Variants in SSX2IP observed in about 807,000 individuals in gnomAD.
The protein encoded by SSX2IP is afadin- and alpha-actinin-binding protein.
SSX2IP carries 55 observed loss-of-function variants against 84.9 expected under a neutral mutation model. The ratio of observed to expected loss-of-function variants is 0.65; its 90% CI spans 0.52 to 0.81. The LOEUF (loss-of-function observed/expected upper bound fraction) is 0.81. SSX2IP is among the 30% of genes least tolerant of loss of function. The pLI is 0.00. For synonymous variants in SSX2IP, 239 were observed against 234.7 expected (o/e 1.02, Z -0.17); for missense variants, 664 against 705.2 (o/e 0.94, Z 0.66).
At chr1:84,679,420 T>C (rs1177642146) in intron 1 of SSX2IP, among the ~76,000 whole-genome samples, 2 of 152,156 alleles carry the variant, frequency 1.3e-5, no homozygotes, top group Non-Finnish European at 2.9e-5. Flanking sequence ...TCCACAGAAA[T>C]AAACTCTTCC....
chr1:84,662,594 G>A (rs376653947), intron 6 of SSX2IP, 64 bp from the exon 7 acceptor site: 2 of 1,551,810 alleles, frequency 1.3e-6, no homozygotes, highest in Non-Finnish European at 1.8e-6. Context: ...AAACTCTAAT[G>A]CATTCTATAC....
At chr1:84,659,696 GC>G (rs1651644864) in intron 8 of SSX2IP, among the ~76,000 whole-genome samples, 1 of 151,574 alleles carries the variant, frequency 6.6e-6, no homozygotes, top group East Asian at 1.9e-4. Context: ...TACTCAGGAG[GC>G]TGAGGCAGGA....
rs549378817 is a variant in SSX2IP at position 84,643,723 on chromosome 1, G to A, written c.*3710C>T. On this transcript the variant is annotated 3_prime_UTR_variant, in exon 14 of 14. Coordinates refer to ENST00000342203, the MANE Select transcript of SSX2IP (RefSeq NM_001166293.2). ...TAAAAAAATGTGTTGTTTCATCAGT[G>A]TATTTCTCATCAACAAATATTATGT... is the stretch of plus-strand genomic sequence containing the variant. 3.3e-5 allele frequency: 5 copies of A among 152,242 alleles called. No individual in the cohort carries two copies. Among genetic ancestry groups the A allele is most frequent in the African/African-American group, 9.6e-5 (4 of 41,522 alleles). 9.4% of individuals were successfully genotyped at this position (152,242 alleles called of 1,614,324 possible).
intron 1 of SSX2IP, among the ~76,000 whole-genome samples, chr1:84,685,276 TCTTC>T (rs1399955290): frequency 1.3e-5 from 2 of 152,234 alleles, no homozygotes; most frequent in African/African-American, 4.8e-5. Flanking sequence ...CCAATGACCC[TCTTC>T]CTTTAAAAGT....
At chr1:84,674,857 T>C (rs1452548489) in intron 1 of SSX2IP, among the ~76,000 whole-genome samples, 3 of 152,228 alleles carry the variant, frequency 2.0e-5, no homozygotes, top group South Asian at 4.1e-4. Context: ...ACCAATTACA[T>C]GCTAGGAGAC....
In SSX2IP at chr1:84,646,033, T is replaced by C. The variant is rs144279324; in HGVS notation, c.*1400A>G. The stretch of plus-strand genomic sequence containing the variant: ...TGAATGGACAACACAAATAGGTGGG[T>C]TTTTTTTGTTTTTTAATAATATGAA... On this transcript the variant is annotated 3_prime_UTR_variant, in exon 14 of 14. Coordinates refer to ENST00000342203, the MANE Select transcript of SSX2IP (RefSeq NM_001166293.2). 6.6e-6 allele frequency: 1 copy of C among 151,622 alleles called. No individual in the cohort carries two copies. Among genetic ancestry groups the C allele is most frequent in the Non-Finnish European group, 1.5e-5 (1 of 67,886 alleles). 9.4% of individuals were successfully genotyped at this position (151,622 alleles called of 1,614,324 possible).
In SSX2IP at chr1:84,659,393, G is replaced by T. The variant is rs117240792; in HGVS notation, c.928-925C>A. 4.7e-3 allele frequency among the ~76,000 whole-genome samples: 720 copies of T among 152,264 alleles called. 25 individuals are homozygous for T. In the East Asian group the frequency reaches 0.077, roughly 16 times the overall value. On this transcript the variant is annotated intron_variant, in intron 8 of 13. Transcript: ENST00000342203. ...AATGGCCCAGGATCCGGCTCATGGTGATTCTAGCCCCTGCCAATACTCAAA... is the reference window on the plus strand; with the variant it reads ...AATGGCCCAGGATCCGGCTCATGGTTATTCTAGCCCCTGCCAATACTCAAA...
intron 1 of SSX2IP, among the ~76,000 whole-genome samples, chr1:84,688,061 AG>A (rs143784130): frequency 0.026 from 3,890 of 152,256 alleles, 166 homozygotes; most frequent in African/African-American, 0.089. Flanking sequence ...TTTTATCCTC[AG>A]GTCAGGCAAG....
chr1:84,647,730 A>T, intron 13 of SSX2IP, 123 bp from the exon 14 acceptor site: 5 of 655,580 alleles, frequency 7.6e-6, no homozygotes, highest in Non-Finnish European at 1.1e-5. Flanking sequence ...TAGGCCAAAA[A>T]TATAATTTAA....
chr1:84,688,239 T>C (rs1447383276), intron 1 of SSX2IP, among the ~76,000 whole-genome samples: 1 of 152,188 alleles, frequency 6.6e-6, no homozygotes, highest in African/African-American at 2.4e-5. Flanking sequence ...TTCTATCTCA[T>C]CCCATAAACT....
chr1:84,681,005 A>G (rs1253565753), intron 1 of SSX2IP, among the ~76,000 whole-genome samples: 1 of 150,580 alleles, frequency 6.6e-6, no homozygotes, highest in East Asian at 2.0e-4. Context: ...TAAAAAATGC[A>G]TAAAATAAAA....
At chr1:84,668,977 T>G (rs776381717) in intron 4 of SSX2IP, among the ~76,000 whole-genome samples, 1 of 152,104 alleles carries the variant, frequency 6.6e-6, no homozygotes, top group Non-Finnish European at 1.5e-5. Context: ...TATTATACCC[T>G]TAATAATATA....
Position 84,656,387 on chromosome 1 carries a change from CT to C in SSX2IP, c.1175del (p.Gln392ArgfsTer5). The stretch of plus-strand genomic sequence containing the variant: ...GCTGAGTTTTAATCATTTCTTTACA[CT>C]GCTGAATTTCTAACTCGAGTTTTTC... ...ETEKLELEIQQCKEMIKTQQQ... is the reference protein window; with the variant it reads ...ETEKLELEIQXCKEMIKTQQQ... On this transcript the variant is annotated frameshift_variant, in exon 10 of 14. Coordinates refer to ENST00000342203, the MANE Select transcript of SSX2IP (RefSeq NM_001166293.2). LOFTEE classifies it high-confidence loss of function. 1 of 1,613,094 alleles carries C rather than the reference CT, an allele frequency of 6.2e-7. No homozygotes were observed. The highest frequency in any genetic ancestry group is 8.5e-7 in the Non-Finnish European group (1 of 1,179,664).
rs1254154462 is a variant in SSX2IP, at chr1:84,689,328, C to T, written c.-90+1043G>A. Among the ~76,000 whole-genome samples, 7 of 152,300 alleles carry T rather than the reference C, an allele frequency of 4.6e-5. No individual in the cohort carries two copies. The East Asian group carries it at 1.3e-3, about 29-fold the overall frequency. On this transcript the variant is annotated intron_variant, in intron 1 of 13. Coordinates refer to ENST00000342203, the MANE Select transcript of SSX2IP (RefSeq NM_001166293.2). Reference sequence around the variant, plus strand: ...GGATCACCAGAATTTTCTTCTACCCCACAGTAAGCCAAACCCCCATGAACC... The same window carrying T: ...GGATCACCAGAATTTTCTTCTACCCTACAGTAAGCCAAACCCCCATGAACC...
At chr1:84,663,946 C>CA (rs1391002299) in intron 6 of SSX2IP, among the ~76,000 whole-genome samples, 1 of 152,148 alleles carries the variant, frequency 6.6e-6, no homozygotes, top group Non-Finnish European at 1.5e-5. Flanking sequence ...CTTAGACACA[C>CA]ACACGCCTAA....
rs144370836 is a variant in SSX2IP at position 84,649,951 on chromosome 1, TCAA to T, written c.1670+408_1670+410del. Reference sequence around the variant, plus strand: ...CAGGCTTTTCTCAGTTCTTTGCCCTTCAACAACAATAAAATGGGCATGCCGGAA... The same window carrying T: ...CAGGCTTTTCTCAGTTCTTTGCCCTTCAACAATAAAATGGGCATGCCGGAA... On this transcript the variant is annotated intron_variant, in intron 13 of 13. Transcript: ENST00000342203. 3.6e-3 allele frequency: 2,010 copies of T among 557,230 alleles called. 27 individuals are homozygous for T. Among genetic ancestry groups the T allele is most frequent in the African/African-American group, 0.034 (1,812 of 53,846 alleles). The allele number at this position is 557,230 out of a possible 1,614,324, so 34.5% of individuals were successfully genotyped here. A position where few individuals can be genotyped will look rare whatever the true frequency, so the allele number is the denominator to read the frequency against.
chr1:84,671,229 T>C lies in SSX2IP; in HGVS notation c.-10A>G, dbSNP rs1220427504. On this transcript the variant is annotated 5_prime_UTR_variant, in exon 2 of 14. Coordinates refer to ENST00000342203, the MANE Select transcript of SSX2IP (RefSeq NM_001166293.2). The stretch of plus-strand genomic sequence containing the variant: ...TCATCCAATCTCCCATAGCAATCTC[T>C]AGAGCCAGGATACCTGAGGAACTAG... The C allele has an allele frequency of 1.2e-6, 2 of 1,609,092 alleles. No homozygotes were observed. Among genetic ancestry groups the C allele is most frequent in the Non-Finnish European group, 1.7e-6 (2 of 1,177,218 alleles).
rs774522571 is a variant in SSX2IP, at chr1:84,655,787, A to C, written c.1389+45T>G. 1.9e-6 allele frequency: 3 copies of C among 1,586,698 alleles called. No homozygotes were observed. In the African/African-American group the frequency reaches 4.1e-5, roughly 22 times the overall value. On this transcript the variant is annotated intron_variant, in intron 11 of 13. Coordinates refer to ENST00000342203, the MANE Select transcript of SSX2IP (RefSeq NM_001166293.2). ...CCTTAGAAGCATTCTACTGAGGCCC[A>C]CCCACCCCCAGTATTTTCAAAAGCA...
chr1:84,676,723 T>TC (rs1654396260), intron 1 of SSX2IP, among the ~76,000 whole-genome samples: 2 of 125,842 alleles, frequency 1.6e-5, no homozygotes, highest in Admixed American at 8.0e-5. Flanking sequence ...CTTTTCCTTT[T>TC]TTTTTTTTTT....
Sources: allele counts gnomAD v4.1 joint callset (sites outside exome capture counted in the v4.1 genomes callset), GRCh38; gene constraint gnomAD v4.1.1; transcripts MANE v1.5; gene names NCBI Gene and HGNC (gene_info 2026-07-23, HGNC 2026-07-21).